Variants in SLC44A5 observed in about 807,000 individuals in gnomAD.
SLC44A5 encodes solute carrier family 44 member 5, also known as choline transporter-like protein 5.
SLC44A5 carries 57 observed loss-of-function variants against 101.8 expected under a neutral mutation model. The observed-to-expected ratio is 0.56, with a 90% CI of 0.45 to 0.70. The LOEUF is 0.70. SLC44A5 is among the 30% of genes least tolerant of loss of function. SLC44A5 has a pLI of 0.00. For synonymous variants in SLC44A5, 281 were observed against 290.9 expected (o/e 0.97, Z 0.35); for missense variants, 737 against 853.1 (o/e 0.86, Z 1.70).
At chr1:75,474,901 T>A (rs1667298744) in intron 2 of SLC44A5, among the ~76,000 whole-genome samples, 1 of 152,278 alleles carries the variant, frequency 6.6e-6, no homozygotes, top group African/African-American at 2.4e-5. Context: ...CAAGTAATTC[T>A]GAATTCTTCC....
chr1:75,600,830 T>C (rs1352405298), intron 1 of SLC44A5, among the ~76,000 whole-genome samples: 1 of 152,190 alleles, frequency 6.6e-6, no homozygotes, highest in Non-Finnish European at 1.5e-5. Context: ...TAACTAGATA[T>C]GGCTACACCA....
chr1:75,529,412 G>A (rs902686897), intron 2 of SLC44A5, among the ~76,000 whole-genome samples: 1 of 152,064 alleles, frequency 6.6e-6, no homozygotes, highest in Non-Finnish European at 1.5e-5. Context: ...GGTTCTCTTA[G>A]CACCCACACA....
At chr1:75,346,175 A>T (rs529731426) in intron 3 of SLC44A5, among the ~76,000 whole-genome samples, 2 of 152,250 alleles carry the variant, frequency 1.3e-5, no homozygotes, top group East Asian at 3.9e-4. Context: ...TTTCAAACCA[A>T]ACAATACAGT....
chr1:75,494,864 T>C (rs899944111), intron 2 of SLC44A5, among the ~76,000 whole-genome samples: 2 of 152,218 alleles, frequency 1.3e-5, no homozygotes, highest in African/African-American at 4.8e-5. Flanking sequence ...ATCATACATC[T>C]AATACTCCAA....
intron 2 of SLC44A5, among the ~76,000 whole-genome samples, chr1:75,468,879 T>C (rs889854033): frequency 1.3e-5 from 2 of 152,180 alleles, no homozygotes; most frequent in African/African-American, 4.8e-5. Flanking sequence ...GATACACCCA[T>C]TTTACATGAT....
chr1:75,466,785 G>A (rs777060755), intron 2 of SLC44A5, among the ~76,000 whole-genome samples: 3 of 151,874 alleles, frequency 2.0e-5, no homozygotes, highest in Non-Finnish European at 2.9e-5. Context: ...TCTGGAACAT[G>A]CCAAGGATAC....
chr1:75,238,034 T>C (rs1648262424), intron 10 of SLC44A5, among the ~76,000 whole-genome samples: 1 of 152,022 alleles, frequency 6.6e-6, no homozygotes, highest in Admixed American at 6.6e-5. Context: ...TACTGCATTA[T>C]ACTTAGTACA....
At chr1:75,712,676 G>T in the SLC44A5 span, among the ~76,000 whole-genome samples, 1 of 24,580 alleles carries the variant, frequency 4.1e-5, no homozygotes, top group Admixed American at 5.1e-4. Flanking sequence ...TATTGCTACA[G>T]AAGACAAAAC....
At chr1:75,298,634 A>ACCTATTTG (rs1156788154) in intron 5 of SLC44A5, among the ~76,000 whole-genome samples, 167 of 152,058 alleles carry the variant, frequency 1.1e-3, no homozygotes, top group African/African-American at 3.9e-3. Context: ...CAGAGGAGAG[A>ACCTATTTG]CCTATTTGAT....
At chr1:75,352,489 T>C (rs185355001) in intron 3 of SLC44A5, among the ~76,000 whole-genome samples, 40 of 152,148 alleles carry the variant, frequency 2.6e-4, no homozygotes, top group Admixed American at 1.6e-3. Context: ...GAGACTTGGA[T>C]AGGAACTTCA....
intron 4 of SLC44A5, among the ~76,000 whole-genome samples, chr1:75,326,926 G>T (rs1656644227): frequency 6.6e-6 from 1 of 152,042 alleles, no homozygotes; most frequent in African/African-American, 2.4e-5. Flanking sequence ...TACAGAAAAG[G>T]AAACTATAAA....
chr1:75,376,498 G>A (rs1211301766), intron 3 of SLC44A5, among the ~76,000 whole-genome samples: 1 of 152,222 alleles, frequency 6.6e-6, no homozygotes, highest in Non-Finnish European at 1.5e-5. Context: ...CTGAGAACGG[G>A]CAGACTGCCT....
chr1:75,669,432 C>A, the SLC44A5 span, among the ~76,000 whole-genome samples: 14 of 152,154 alleles, frequency 9.2e-5, no homozygotes, highest in African/African-American at 3.4e-4. Flanking sequence ...CCTGGGACAG[C>A]CCCTAGAGTG....
chr1:75,253,029 G>C (rs113537472), intron 6 of SLC44A5, among the ~76,000 whole-genome samples: 3 of 152,322 alleles, frequency 2.0e-5, no homozygotes, highest in African/African-American at 7.2e-5. Flanking sequence ...CTGCCCCAGT[G>C]AGTGTTGATG....
chr1:75,638,548 C>T, the SLC44A5 span, among the ~76,000 whole-genome samples: 2 of 151,892 alleles, frequency 1.3e-5, no homozygotes, highest in Non-Finnish European at 2.9e-5. Flanking sequence ...ACGAAAGAGC[C>T]CAGGCTGTGT....
At chr1:75,251,082 G>A (rs573247924) in intron 7 of SLC44A5, 128 bp downstream of exon 7, 55 of 706,420 alleles carry the variant, frequency 7.8e-5, no homozygotes, top group African/African-American at 6.1e-4. Context: ...TCTTCCCATC[G>A]TCTAGAAATT....
chr1:75,203,850 T>C lies in SLC44A5; in HGVS notation c.2048-17A>G, dbSNP rs1487701791. ...AATCTTCCACTAGGAGGAAGAATGG[T>C]ACAGAGTAAATATCAAAGCAGAACT... On this transcript the variant is annotated splice_polypyrimidine_tract_variant and intron_variant, in intron 23 of 23. Transcript: ENST00000370859. The C allele has an allele frequency of 6.5e-7, 1 of 1,540,730 alleles. No homozygotes were observed. Among genetic ancestry groups the C allele is most frequent in the East Asian group, 2.5e-5 (1 of 40,228 alleles).
intron 2 of SLC44A5, among the ~76,000 whole-genome samples, chr1:75,448,715 C>T (rs1665727446): frequency 6.6e-6 from 1 of 152,142 alleles, no homozygotes; most frequent in Non-Finnish European, 1.5e-5. Flanking sequence ...GACTAGTCTC[C>T]CTACCTTTAC....
At chr1:75,406,099 C>T (rs910828438) in intron 2 of SLC44A5, among the ~76,000 whole-genome samples, 1 of 152,096 alleles carries the variant, frequency 6.6e-6, no homozygotes, top group Non-Finnish European at 1.5e-5. Context: ...CACAAATAAA[C>T]TAGAAAATCC....
Sources: allele counts gnomAD v4.1 joint callset (sites outside exome capture counted in the v4.1 genomes callset), GRCh38; gene constraint gnomAD v4.1.1; transcripts MANE v1.5; gene names NCBI Gene and HGNC (gene_info 2026-07-23, HGNC 2026-07-21).